Variants in TSHR observed in about 807,000 individuals in gnomAD.
TSHR encodes the protein thyrotropin receptor.
A neutral mutation model predicts 64.1 loss-of-function variants in TSHR; 51 were observed. The ratio of observed to expected loss-of-function variants is 0.80; its 90% CI spans 0.64 to 1.01. TSHR has a LOEUF of 1.01. Among genes scored for constraint, TSHR ranks in the 50% least tolerant of loss-of-function variants. TSHR has a pLI of 0.00. For missense variants in TSHR, 877 were observed against 942.8 expected, an observed-to-expected ratio of 0.93 and a Z score of 0.91; for synonymous variants, 361 against 361.9, an observed-to-expected ratio of 1.00 and a Z score of 0.03.
chr14:80,997,135 G>A (rs1179810971), intron 1 of TSHR, among the ~76,000 whole-genome samples: 1 of 152,086 alleles, frequency 6.6e-6, no homozygotes, highest in Non-Finnish European at 1.5e-5. Flanking sequence ...AGGAACTGGA[G>A]GCTTAAAGAA....
At chr14:81,016,062 T>A (rs1025967114) in intron 1 of TSHR, among the ~76,000 whole-genome samples, 7 of 152,198 alleles carry the variant, frequency 4.6e-5, no homozygotes, top group African/African-American at 1.7e-4. Flanking sequence ...TCTTGACTAT[T>A]GTGAATAATG....
intron 1 of TSHR, among the ~76,000 whole-genome samples, chr14:80,958,919 A>G (rs968358170): frequency 1.8e-4 from 28 of 152,188 alleles, no homozygotes; most frequent in Non-Finnish European, 3.8e-4. Flanking sequence ...AGTTATTTGC[A>G]TTACTTCTGC....
chr14:81,002,229 C>T (rs1889360820), intron 1 of TSHR, among the ~76,000 whole-genome samples: 1 of 152,092 alleles, frequency 6.6e-6, no homozygotes, highest in Admixed American at 6.5e-5. Flanking sequence ...ACATCTGGCC[C>T]CAAAAGTTTC....
chr14:81,030,306 C>T (rs1566771320), intron 1 of TSHR, among the ~76,000 whole-genome samples: 1 of 152,040 alleles, frequency 6.6e-6, no homozygotes, highest in Non-Finnish European at 1.5e-5. Context: ...GAAAAGACCA[C>T]AGAAAACTGA....
intron 1 of TSHR, chr14:81,001,659 T>C: frequency 1.9e-6 from 1 of 518,216 alleles, no homozygotes; most frequent in South Asian, 1.4e-5. Flanking sequence ...ATCTTTCAGA[T>C]ACTTGGTGGC....
chr14:81,102,040 C>T lies in TSHR; in HGVS notation c.614+5333C>T, dbSNP rs966508817. Among the ~76,000 whole-genome samples the T allele has an allele frequency of 7.2e-5, 11 of 151,914 alleles. No homozygotes were observed. The South Asian group carries it at 1.9e-3, about 26-fold the overall frequency. ...CAAAAAAATTAGCTGGGCGTGGTGGCGGGCGCCTGTAGTCCCAGCTACTCG... is the reference window on the plus strand; with the variant it reads ...CAAAAAAATTAGCTGGGCGTGGTGGTGGGCGCCTGTAGTCCCAGCTACTCG... On this transcript the variant is annotated intron_variant, in intron 7 of 9. Coordinates refer to ENST00000298171, the MANE Select transcript of TSHR (RefSeq NM_000369.5).
At chr14:81,126,386 T>C (rs10142430) in intron 8 of TSHR, among the ~76,000 whole-genome samples, 6,493 of 152,302 alleles carry the variant, frequency 0.043, 380 homozygotes, top group East Asian at 0.23. Context: ...AGCCACTGTC[T>C]AGAGCAATGG....
intron 1 of TSHR, among the ~76,000 whole-genome samples, chr14:81,049,144 T>C (rs1030773140): frequency 3.9e-5 from 6 of 152,208 alleles, no homozygotes; most frequent in Admixed American, 2.6e-4. Flanking sequence ...CTTCATAGCA[T>C]ATAGTTATTA....
intron 1 of TSHR, chr14:80,982,186 G>A: frequency 5.1e-6 from 3 of 585,046 alleles, no homozygotes; most frequent in South Asian, 2.2e-5. Flanking sequence ...AACAAGGTCG[G>A]TGCTGAGATG....
chr14:80,963,298 C>T (rs1887131182), intron 1 of TSHR, among the ~76,000 whole-genome samples: 1 of 152,030 alleles, frequency 6.6e-6, no homozygotes, highest in Non-Finnish European at 1.5e-5. Flanking sequence ...GATCTTCATC[C>T]CCTAATGAAC....
chr14:81,012,857 C>T (rs1343766316), intron 1 of TSHR: 3 of 151,994 alleles, frequency 2.0e-5, no homozygotes, highest in Non-Finnish European at 4.4e-5. Flanking sequence ...TGTCAGATGA[C>T]TAGGTTGCGA....
At chr14:80,989,387 C>T (rs1051377561) in intron 1 of TSHR, among the ~76,000 whole-genome samples, 3 of 152,088 alleles carry the variant, frequency 2.0e-5, no homozygotes, top group Admixed American at 6.6e-5. Context: ...AATGAATATC[C>T]GTTAAAGCTC....
intron 3 of TSHR, 113 bp downstream of exon 3, chr14:81,068,441 C>G: frequency 1.1e-6 from 1 of 904,130 alleles, no homozygotes; most frequent in South Asian, 1.3e-5. Context: ...GTCAAAACTT[C>G]TGTTTATGAT....
chr14:80,995,048 A>C (rs1169016513), intron 1 of TSHR: 3 of 152,200 alleles, frequency 2.0e-5, no homozygotes, highest in Non-Finnish European at 4.4e-5. Flanking sequence ...TACAAAGAAA[A>C]AATAAATAAC....
At chr14:81,133,863 G>T (rs1412960500) in intron 8 of TSHR, among the ~76,000 whole-genome samples, 1 of 152,082 alleles carries the variant, frequency 6.6e-6, no homozygotes, top group Non-Finnish European at 1.5e-5. Context: ...AAGGACCTGA[G>T]ATAAATCTGA....
intron 7 of TSHR, among the ~76,000 whole-genome samples, chr14:81,100,149 G>C (rs994681056): frequency 6.6e-6 from 1 of 152,144 alleles, no homozygotes; most frequent in Non-Finnish European, 1.5e-5. Context: ...ATTAATGGGT[G>C]TTACTTTTTA....
chr14:81,016,365 G>A (rs1384485479), intron 1 of TSHR, among the ~76,000 whole-genome samples: 2 of 152,112 alleles, frequency 1.3e-5, no homozygotes, highest in African/African-American at 4.8e-5. Flanking sequence ...TTTCCCTGTT[G>A]ATTAATGATG....
At chr14:81,037,926 A>G (rs1884729756) in intron 1 of TSHR, among the ~76,000 whole-genome samples, 1 of 137,778 alleles carries the variant, frequency 7.3e-6, no homozygotes, top group African/African-American at 2.6e-5. Flanking sequence ...ATCCAAACTG[A>G]AAATCAGCAA....
chr14:81,077,747 G>A (rs1270404356), intron 3 of TSHR, among the ~76,000 whole-genome samples: 1 of 151,956 alleles, frequency 6.6e-6, no homozygotes, highest in Non-Finnish European at 1.5e-5. Flanking sequence ...TGTCTTCTCT[G>A]TTCTTTGTTC....
Sources: allele counts gnomAD v4.1 joint callset (sites outside exome capture counted in the v4.1 genomes callset), GRCh38; gene constraint gnomAD v4.1.1; transcripts MANE v1.5; gene names NCBI Gene and HGNC (gene_info 2026-07-23, HGNC 2026-07-21).